NTRK1: variants seen among roughly 807,000 people sequenced by gnomAD.
The protein encoded by NTRK1 is high affinity nerve growth factor receptor.
A neutral mutation model predicts 86.8 loss-of-function variants in NTRK1; 62 were observed. The observed-to-expected ratio is 0.71, with a 90% CI of 0.58 to 0.88. The LOEUF (loss-of-function observed/expected upper bound fraction) is 0.88. Among genes scored for constraint, NTRK1 ranks in the 40% least tolerant of loss-of-function variants. The pLI, the probability that NTRK1 is intolerant of heterozygous loss-of-function variation, is 0.00. For synonymous variants in NTRK1, 469 were observed against 456.6 expected (o/e 1.03, Z -0.35); for missense variants, 967 against 1,078.4 (o/e 0.90, Z 1.45).
intron 3 of NTRK1, 129 bp from the exon 4 acceptor site, chr1:156,866,781 C>G: frequency 1.5e-5 from 10 of 685,604 alleles, no homozygotes; most frequent in East Asian, 5.2e-5. Flanking sequence ...AGGGCTGGTT[C>G]TGGTTGCCTA....
At chr1:156,846,647 G>C (rs1351241004) in intron 2 of NTRK1, 8 of 1,613,916 alleles carry the variant, frequency 5.0e-6, no homozygotes, top group Non-Finnish European at 6.8e-6. Flanking sequence ...GGAGGCTAGG[G>C]TCACCCCTGG....
At chr1:156,840,979 G>C (rs755584536) in intron 1 of NTRK1, 5 of 1,613,572 alleles carry the variant, frequency 3.1e-6, no homozygotes, top group East Asian at 2.2e-5. Context: ...CCGGCATTCC[G>C]GGCTGTAGTA....
Position 156,854,220 on chromosome 1 carries a change from T to G in NTRK1, c.51-10134T>G. 2 of 1,613,958 alleles carry G rather than the reference T, an allele frequency of 1.2e-6. No homozygotes were observed. The highest frequency in any genetic ancestry group is 1.3e-5 in the African/African-American group (1 of 75,030). On this transcript the variant is annotated intron_variant, in intron 2 of 16. Transcript: ENST00000392302. The surrounding 1 kb of genome is among the most constrained non-coding windows in gnomAD (Gnocchi z 4.2). ...CCGGTGGCTGTGAACATGAGCAGGA[T>G]CTGCAGGTGGCCCTCCACCACGCTG...
At chr1:156,851,577 T>C in intron 2 of NTRK1, 1 of 1,610,932 alleles carries the variant, frequency 6.2e-7, no homozygotes, top group Non-Finnish European at 8.5e-7. Flanking sequence ...GTTGGGTCAT[T>C]GTAAGGGTTG....
rs766425457 is a variant in NTRK1 at position 156,876,217 on chromosome 1, C to A, written c.1632+7C>A. 1.2e-6 allele frequency: 2 copies of A among 1,613,858 alleles called. No homozygotes were observed. The highest frequency in any genetic ancestry group is 2.2e-5 in the East Asian group (1 of 44,874). On this transcript the variant is annotated splice_region_variant and intron_variant, in intron 13 of 16. Coordinates refer to ENST00000524377, the MANE Select transcript of NTRK1 (RefSeq NM_002529.4). ...GATGCTGGTGGCTGTCAAGGTGAGA[C>A]CCTGCCCCGGGGGGTACTGCTGGCC...
chr1:156,861,665 G>T (rs1020065048), intron 1 of NTRK1, among the ~76,000 whole-genome samples: 1 of 152,200 alleles, frequency 6.6e-6, no homozygotes, highest in Non-Finnish European at 1.5e-5. Context: ...GAGCTGAGTG[G>T]TTGAGCTCTC....
intron 1 of NTRK1, chr1:156,816,554 C>G: frequency 2.3e-6 from 2 of 881,642 alleles, no homozygotes; most frequent in Non-Finnish European, 3.5e-6. Context: ...TCAGCTTTGC[C>G]AGCTCTGGCT....
intron 7 of NTRK1, among the ~76,000 whole-genome samples, chr1:156,873,125 C>T (rs1647665708): frequency 6.7e-6 from 1 of 150,198 alleles, no homozygotes; most frequent in South Asian, 2.1e-4. Flanking sequence ...TAACTCACTG[C>T]AGCCTTGAAC....
upstream of NTRK1, among the ~76,000 whole-genome samples, chr1:156,857,963 T>C (rs1165093748): frequency 1.2e-4 from 18 of 152,038 alleles, no homozygotes. Context: ...GTATCTAGCC[T>C]GGGGGACAGG....
intron 1 of NTRK1, among the ~76,000 whole-genome samples, chr1:156,824,896 T>C (rs1654280763): frequency 6.6e-6 from 1 of 152,112 alleles, no homozygotes; most frequent in Non-Finnish European, 1.5e-5. Context: ...GGGACCTTCC[T>C]TTCTTTTTTT....
At chr1:156,879,063 C>T (rs1171165013) in intron 14 of NTRK1, 59 bp from the exon 15 acceptor site, 1 of 1,603,028 alleles carries the variant, frequency 6.2e-7, no homozygotes, top group Non-Finnish European at 8.5e-7. Flanking sequence ...GATCGCCTTC[C>T]TCAGGCTCCT....
chr1:156,845,418 G>A, intron 2 of NTRK1: 3 of 1,546,920 alleles, frequency 1.9e-6, no homozygotes, highest in Non-Finnish European at 2.6e-6. Context: ...GGGGATCTGG[G>A]GAGGCCAGGA....
chr1:156,865,738 C>T lies in NTRK1; in HGVS notation c.359+939C>T, dbSNP rs532419093. Among the ~76,000 whole-genome samples, 13 of 152,236 alleles carry T rather than the reference C, an allele frequency of 8.5e-5. No individual in the cohort carries two copies. In the East Asian group the frequency reaches 2.5e-3, roughly 29 times the overall value. Reference sequence around the variant, plus strand: ...GATGGGCAGGAGAGACTATCAGAGTCCCTGGCAGCCCCTCCCTGGCCTTCT... The same window carrying T: ...GATGGGCAGGAGAGACTATCAGAGTTCCTGGCAGCCCCTCCCTGGCCTTCT... On this transcript the variant is annotated intron_variant, in intron 3 of 16. Transcript: ENST00000524377.
At chr1:156,859,352 A>ACCCTTTGTC (rs1400118268), upstream of NTRK1, among the ~76,000 whole-genome samples, 1 of 151,940 alleles carries the variant, frequency 6.6e-6, no homozygotes, top group African/African-American at 2.4e-5. This position sits in a 1 kb window ranked among gnomAD's most constrained non-coding sequence, Gnocchi z 6.2. Flanking sequence ...GCTCCCGCCA[A>ACCCTTTGTC]CCCTTTGTCC....
At chr1:156,845,956 G>A (rs1326251891) in intron 2 of NTRK1, 2 of 1,611,972 alleles carry the variant, frequency 1.2e-6, no homozygotes. Context: ...GCGCACCGCG[G>A]TGGCAGTAGT....
chr1:156,843,258 A>G (rs1654867322), intron 2 of NTRK1: 1 of 1,607,960 alleles, frequency 6.2e-7, no homozygotes, highest in East Asian at 2.2e-5. Flanking sequence ...AGGGTCACAA[A>G]GCGAGGATGC....
At chr1:156,841,332 G>C in intron 1 of NTRK1, 2 of 1,512,282 alleles carry the variant, frequency 1.3e-6, no homozygotes, top group African/African-American at 2.8e-5. Flanking sequence ...GAATCATGGG[G>C]CCGGGTGGGG....
At chr1:156,876,936 C>T (rs1306271028) in intron 14 of NTRK1, among the ~76,000 whole-genome samples, 1 of 152,210 alleles carries the variant, frequency 6.6e-6, no homozygotes, top group Non-Finnish European at 1.5e-5. Context: ...CAGTAATGAA[C>T]ATTTATCAGG....
At chr1:156,835,360 C>T (rs1046770020) in intron 1 of NTRK1, among the ~76,000 whole-genome samples, 3 of 152,132 alleles carry the variant, frequency 2.0e-5, no homozygotes, top group African/African-American at 4.8e-5. Context: ...ACCCAGGTAG[C>T]GAGGGGACAG....
Sources: allele counts gnomAD v4.1 joint callset (sites outside exome capture counted in the v4.1 genomes callset), GRCh38; gene constraint gnomAD v4.1.1; non-coding constraint Gnocchi (gnomAD v3.1); transcripts MANE v1.5; gene names NCBI Gene and HGNC (gene_info 2026-07-23, HGNC 2026-07-21).